The following TP63 variants were observed in gnomAD, a reference collection of about 807,000 sequenced individuals.
TP63 encodes the protein tumor protein p63, also known as tumor protein 63.
A neutral mutation model predicts 82.8 loss-of-function variants in TP63; 17 were observed. That is an observed-to-expected ratio of 0.21 (90% CI 0.14 to 0.31). The LOEUF (loss-of-function observed/expected upper bound fraction) is 0.31, where lower values mean the gene tolerates loss of function less well. Ranked by LOEUF, TP63 falls within the 10% of genes least tolerant of loss-of-function variation. The pLI is 1.00. For missense variants in TP63, 648 were observed against 895.3 expected (o/e 0.72, Z 3.52); for synonymous variants, 330 against 321.7 (o/e 1.03, Z -0.28).
chr3:189,603,369 TTC>T, the TP63 span, among the ~76,000 whole-genome samples: 1 of 152,042 alleles, frequency 6.6e-6, no homozygotes, highest in Non-Finnish European at 1.5e-5. Context: ...GTTTTTTGGG[TTC>T]TGTTTTCTTC....
chr3:189,777,986 G>A lies in TP63; in HGVS notation c.325-30286G>A, dbSNP rs114911265. Among the ~76,000 whole-genome samples the A allele has an allele frequency of 8.4e-3, 1,268 of 150,770 alleles. 13 individuals carry two copies. The highest frequency in any genetic ancestry group is 0.029 in the African/African-American group (1,207 of 40,988). On this transcript the variant is annotated intron_variant, in intron 3 of 13. Transcript: ENST00000264731. Reference sequence around the variant, plus strand: ...TTCTGGTGCGTCAGCCTCCTGAGTCGCTGGGATTACAGGCATGCGCCATCA... The same window carrying A: ...TTCTGGTGCGTCAGCCTCCTGAGTCACTGGGATTACAGGCATGCGCCATCA...
intron 4 of TP63, among the ~76,000 whole-genome samples, chr3:189,843,422 G>GACAGGTGGCA (rs1388425006): frequency 6.6e-6 from 1 of 152,206 alleles, no homozygotes; most frequent in African/African-American, 2.4e-5. Flanking sequence ...CCCCGCAACT[G>GACAGGTGGCA]ACAGGTGGCA....
At chr3:189,828,460 T>C (rs141948470) in intron 4 of TP63, among the ~76,000 whole-genome samples, 185 of 152,326 alleles carry the variant, frequency 1.2e-3, no homozygotes, top group African/African-American at 3.9e-3. Context: ...AAGAAACTAG[T>C]TGAATGATAT....
At chr3:189,864,610 C>A (rs1428038882) in intron 5 of TP63, among the ~76,000 whole-genome samples, 192 bp downstream of exon 5, 1 of 126,548 alleles carries the variant, frequency 7.9e-6, no homozygotes, top group Non-Finnish European at 1.6e-5. Context: ...TCATGGCTTT[C>A]ACAGTGGTTG....
intron 3 of TP63, among the ~76,000 whole-genome samples, chr3:189,749,659 A>T (rs551139794): frequency 2.4e-4 from 36 of 152,334 alleles, no homozygotes; most frequent in African/African-American, 8.7e-4. Context: ...ACTACTGTAA[A>T]ATCCAGAAAT....
intron 3 of TP63, among the ~76,000 whole-genome samples, chr3:189,800,352 T>C (rs879603556): frequency 3.3e-5 from 5 of 151,788 alleles, no homozygotes; most frequent in Non-Finnish European, 7.4e-5. Context: ...AGCTTGAGAG[T>C]GACAAGATCA....
At chr3:189,842,757 C>T (rs2108746044) in intron 4 of TP63, among the ~76,000 whole-genome samples, 1 of 152,280 alleles carries the variant, frequency 6.6e-6, no homozygotes, top group East Asian at 1.9e-4. Context: ...GTATCAGTGT[C>T]ATCTCACCCT....
At chr3:189,596,866 G>A in the TP63 span, among the ~76,000 whole-genome samples, 15 of 152,086 alleles carry the variant, frequency 9.9e-5, no homozygotes, top group Admixed American at 9.2e-4. Context: ...AACACTCACC[G>A]TGAAGGTCTG....
intron 11 of TP63, 120 bp from the exon 12 acceptor site, chr3:189,889,220 T>C (rs1399800620): frequency 3.5e-6 from 5 of 1,449,258 alleles, no homozygotes; most frequent in Non-Finnish European, 4.8e-6. Context: ...AGAGCGAAGA[T>C]TAAAAAGGAA....
intron 1 of TP63, among the ~76,000 whole-genome samples, chr3:189,713,251 C>T (rs1221905272): frequency 6.6e-6 from 1 of 152,184 alleles, no homozygotes; most frequent in Non-Finnish European, 1.5e-5. Flanking sequence ...AGTAACTACT[C>T]AGTAAATGTT....
chr3:189,668,165 A>G, intron 1 of TP63, among the ~76,000 whole-genome samples: 1 of 152,142 alleles, frequency 6.6e-6, no homozygotes, highest in East Asian at 1.9e-4. Flanking sequence ...AAGCGAATAC[A>G]AGTTTAAGGT....
At chr3:189,642,060 A>G (rs1040775156) in intron 1 of TP63, among the ~76,000 whole-genome samples, 20 of 152,290 alleles carry the variant, frequency 1.3e-4, no homozygotes, top group Non-Finnish European at 2.9e-5. Context: ...GTAGTAAATG[A>G]GTGTATACTT....
intron 1 of TP63, among the ~76,000 whole-genome samples, chr3:189,680,789 G>C (rs952211805): frequency 6.6e-6 from 1 of 152,152 alleles, no homozygotes; most frequent in Non-Finnish European, 1.5e-5. Flanking sequence ...TATGGAGGCT[G>C]TCCTGAAGCC....
chr3:189,693,116 C>T (rs933386683), intron 1 of TP63, among the ~76,000 whole-genome samples: 4 of 152,162 alleles, frequency 2.6e-5, no homozygotes, highest in Non-Finnish European at 5.9e-5. Flanking sequence ...CAAGCATCTA[C>T]TCCGTTATGT....
Position 189,647,044 on chromosome 3 carries a change from T to C in TP63, c.62+15467T>C, listed in dbSNP as rs147496278. Among the ~76,000 whole-genome samples, 376 of 147,382 alleles carry C rather than the reference T, an allele frequency of 2.6e-3. 51 individuals are homozygous for C. Among genetic ancestry groups the C allele is most frequent in the African/African-American group, 8.6e-3 (340 of 39,474 alleles). On this transcript the variant is annotated intron_variant, in intron 1 of 13. Coordinates refer to ENST00000264731, the MANE Select transcript of TP63 (RefSeq NM_003722.5). ...ATGGTGACTCTTGGCAGCAGTGTTT[T>C]GTGGATCCTTTTCATTGAACAGGGA...
chr3:189,712,995 A>G (rs1453871175), intron 1 of TP63, among the ~76,000 whole-genome samples: 1 of 152,060 alleles, frequency 6.6e-6, no homozygotes, highest in Non-Finnish European at 1.5e-5. Flanking sequence ...AAATTCCACT[A>G]TTGCCACATC....
chr3:189,894,721 T>A lies in TP63; in HGVS notation c.*219T>A. 1.7e-6 allele frequency: 1 copy of A among 596,214 alleles called. No individual in the cohort carries two copies. The highest frequency in any genetic ancestry group is 2.9e-6 in the Non-Finnish European group (1 of 342,832). The allele number at this position is 596,214 out of a possible 1,614,324, so 36.9% of individuals were successfully genotyped here. Reference sequence around the variant, plus strand: ...TTCAAAACTATAGCTTGCAGAACTGTAGCTGCCATGGCTAGGTAGAAGTGA... The same window carrying A: ...TTCAAAACTATAGCTTGCAGAACTGAAGCTGCCATGGCTAGGTAGAAGTGA... On this transcript the variant is annotated 3_prime_UTR_variant, in exon 14 of 14. Coordinates refer to ENST00000264731, the MANE Select transcript of TP63 (RefSeq NM_003722.5).
intron 4 of TP63, among the ~76,000 whole-genome samples, chr3:189,824,281 A>G (rs1036355712): frequency 6.6e-6 from 1 of 151,944 alleles, no homozygotes; most frequent in Non-Finnish European, 1.5e-5. Flanking sequence ...CAGTGGCACA[A>G]TCTTGGCTCA....
At chr3:189,706,993 T>C (rs1718252835) in intron 1 of TP63, among the ~76,000 whole-genome samples, 1 of 150,872 alleles carries the variant, frequency 6.6e-6, no homozygotes, top group Non-Finnish European at 1.5e-5. Flanking sequence ...TCCTTAAAAG[T>C]GTTCTTTTGC....
Sources: allele counts gnomAD v4.1 joint callset (sites outside exome capture counted in the v4.1 genomes callset), GRCh38; gene constraint gnomAD v4.1.1; transcripts MANE v1.5; gene names NCBI Gene and HGNC (gene_info 2026-07-23, HGNC 2026-07-21).